The following NOL4 variants were observed in gnomAD, a reference collection of about 807,000 sequenced individuals.
NOL4 encodes the protein nucleolar protein 4, also known as cancer/testis antigen 125.
Under a neutral mutation model 75.9 loss-of-function variants are expected in NOL4, and 17 were observed. The observed-to-expected ratio is 0.22, with a 90% CI of 0.15 to 0.34. NOL4 has a LOEUF of 0.34. Among genes scored for constraint, NOL4 ranks in the 10% least tolerant of loss-of-function variants. The probability of loss-of-function intolerance (pLI) is 1.00; values close to 1 mark genes in which losing one functional copy is unlikely to be tolerated. For missense variants in NOL4, 614 were observed against 793.5 expected (o/e 0.77, Z 2.72); for synonymous variants, 292 against 289.9 (o/e 1.01, Z -0.07).
At chr18:33,869,636 C>T (rs9945448) in intron 10 of NOL4, among the ~76,000 whole-genome samples, 52,207 of 151,748 alleles carry the variant, frequency 0.34, 9,117 homozygotes, top group South Asian at 0.46. Context: ...CTACAATCAT[C>T]CAACCATAAA....
chr18:33,957,309 T>C lies in NOL4; in HGVS notation c.1428+17A>G. 1 of 1,603,138 alleles carries C rather than the reference T, an allele frequency of 6.2e-7. No homozygotes were observed. The highest frequency in any genetic ancestry group is 1.1e-5 in the South Asian group (1 of 89,474). On this transcript the variant is annotated intron_variant, in intron 8 of 10. Transcript: ENST00000261592. ...ATTTTGATGGAGTCTAGGGCTGTGTTTTAATTCAAAACTCACCATCTCAAA... is the reference window on the plus strand; with the variant it reads ...ATTTTGATGGAGTCTAGGGCTGTGTCTTAATTCAAAACTCACCATCTCAAA...
chr18:34,126,150 A>C (rs1393182597), intron 2 of NOL4, among the ~76,000 whole-genome samples: 2 of 152,172 alleles, frequency 1.3e-5, no homozygotes, highest in African/African-American at 2.4e-5. Flanking sequence ...AGAAGGAGAG[A>C]AGTAACACCA....
chr18:33,996,274 C>T (rs1764936067), intron 6 of NOL4, among the ~76,000 whole-genome samples: 1 of 151,584 alleles, frequency 6.6e-6, no homozygotes, highest in Non-Finnish European at 1.5e-5. Flanking sequence ...TAAGCAGTCT[C>T]CTAAAACTCT....
At chr18:34,208,968 G>C (rs1313828132) in intron 1 of NOL4, among the ~76,000 whole-genome samples, 5 of 151,990 alleles carry the variant, frequency 3.3e-5, no homozygotes, top group Admixed American at 6.6e-5. Flanking sequence ...CTAGCACTTT[G>C]GGAGGCAGAG....
intron 6 of NOL4, among the ~76,000 whole-genome samples, chr18:33,989,316 G>A (rs1360722778): frequency 6.6e-6 from 1 of 151,126 alleles, no homozygotes; most frequent in East Asian, 1.9e-4. Context: ...CTAGTAAGTT[G>A]AATGGTGGCA....
At chr18:33,988,671 G>C (rs942006954) in intron 6 of NOL4, among the ~76,000 whole-genome samples, 8 of 151,844 alleles carry the variant, frequency 5.3e-5, no homozygotes, top group African/African-American at 1.9e-4. Flanking sequence ...TTGATTACCT[G>C]GATGCAGACA....
chr18:33,939,814 T>C (rs552094850), intron 9 of NOL4, among the ~76,000 whole-genome samples: 13 of 152,204 alleles, frequency 8.5e-5, no homozygotes, highest in Non-Finnish European at 1.6e-4. Flanking sequence ...CTGTGTTGAA[T>C]AGGAGTGGTA....
At chr18:33,958,674 T>C (rs975320112) in intron 6 of NOL4, among the ~76,000 whole-genome samples, 1 of 152,186 alleles carries the variant, frequency 6.6e-6, no homozygotes, top group Non-Finnish European at 1.5e-5. Context: ...GAAAGTTTTA[T>C]TGAACTTAGC....
At chr18:34,044,260 T>C (rs1193091902) in intron 5 of NOL4, among the ~76,000 whole-genome samples, 1 of 152,082 alleles carries the variant, frequency 6.6e-6, no homozygotes, top group Non-Finnish European at 1.5e-5. Context: ...CACAATGATA[T>C]AAAATTATAG....
chr18:34,189,506 G>C (rs1238788068), intron 1 of NOL4, among the ~76,000 whole-genome samples: 1 of 152,094 alleles, frequency 6.6e-6, no homozygotes, highest in Admixed American at 6.6e-5. Flanking sequence ...AATTCATTGG[G>C]TGTTTACTAT....
intron 5 of NOL4, among the ~76,000 whole-genome samples, chr18:34,091,012 A>T (rs796348160): frequency 4.6e-5 from 7 of 152,020 alleles, no homozygotes; most frequent in African/African-American, 1.7e-4. Flanking sequence ...GGCCTTTAGG[A>T]TGTGTCAGTC....
intron 1 of NOL4, among the ~76,000 whole-genome samples, chr18:34,210,811 T>C (rs1036142270): frequency 8.5e-5 from 13 of 152,206 alleles, no homozygotes; most frequent in Non-Finnish European, 1.3e-4. Context: ...ACTAGGCATT[T>C]ACAACAAAGT....
At chr18:33,940,080 A>G (rs1385694374) in intron 9 of NOL4, among the ~76,000 whole-genome samples, 1 of 152,130 alleles carries the variant, frequency 6.6e-6, no homozygotes, top group Non-Finnish European at 1.5e-5. Flanking sequence ...GTGGAGGAAT[A>G]GGAACGCTTT....
rs116742662 is a variant in NOL4 at position 33,852,911 on chromosome 18, A to G, written c.1848T>C (p.Tyr616=). The part of the protein sequence containing the change: ...INAVRQLVAG[Y]RESAAFLLRS... ...GCAATAAAAATGCAGCTGATTCTCG[A>G]TATCCTGCAACAAGCTGTCTCACGG... The change falls in exon 11 of 11, where the codon TAT becomes TAC. Residue 616 remains tyrosine (Y), a synonymous_variant. Transcript: ENST00000261592. The G allele has an allele frequency of 1.5e-3, 2,458 of 1,613,156 alleles. 27 individuals carry two copies. The African/African-American group carries it at 0.028, about 18-fold the overall frequency.
At chr18:34,194,236 A>C (rs1212172277) in intron 1 of NOL4, among the ~76,000 whole-genome samples, 1 of 152,148 alleles carries the variant, frequency 6.6e-6, no homozygotes, top group Non-Finnish European at 1.5e-5. Context: ...CATCACAAAA[A>C]AGTATGTGAA....
At chr18:34,058,612 C>T (rs1320401317) in intron 5 of NOL4, among the ~76,000 whole-genome samples, 1 of 152,132 alleles carries the variant, frequency 6.6e-6, no homozygotes, top group Non-Finnish European at 1.5e-5. Context: ...CTAGCAAGCA[C>T]CTGTCATATT....
chr18:33,943,064 C>A lies in NOL4; in HGVS notation c.1542+1G>T. 6.2e-7 allele frequency: 1 copy of A among 1,603,772 alleles called. No individual in the cohort carries two copies. The highest frequency in any genetic ancestry group is 8.5e-7 in the Non-Finnish European group (1 of 1,171,876). On this transcript the variant is annotated splice_donor_variant, in intron 9 of 10. Transcript: ENST00000261592. LOFTEE classifies it high-confidence loss of function. The stretch of plus-strand genomic sequence containing the variant: ...CACCAGACTTCAAGATGCCTCAGTA[C>A]CTGCTGTCTCTCCAGACGCATCCTC...
chr18:33,965,022 T>G (rs2070463586), intron 6 of NOL4, among the ~76,000 whole-genome samples: 1 of 152,124 alleles, frequency 6.6e-6, no homozygotes, highest in Non-Finnish European at 1.5e-5. Context: ...GTAAAAATAT[T>G]CTATTATAGA....
chr18:34,080,791 A>C (rs966371469), intron 5 of NOL4, among the ~76,000 whole-genome samples: 1 of 152,214 alleles, frequency 6.6e-6, no homozygotes, highest in South Asian at 2.1e-4. Context: ...TGGCAAAAAG[A>C]AGCACAGTTT....
Sources: allele counts gnomAD v4.1 joint callset (sites outside exome capture counted in the v4.1 genomes callset), GRCh38; gene constraint gnomAD v4.1.1; transcripts MANE v1.5; gene names NCBI Gene and HGNC (gene_info 2026-07-23, HGNC 2026-07-21).